Variants in MTUS2 observed in about 807,000 individuals in gnomAD.
MTUS2 encodes microtubule associated scaffold protein 2.
MTUS2 carries 40 observed loss-of-function variants against 114.1 expected under a neutral mutation model. The observed-to-expected ratio is 0.35, with a 90% CI of 0.27 to 0.46. MTUS2 has a LOEUF of 0.46. Ranked by LOEUF, MTUS2 falls within the 20% of genes least tolerant of loss-of-function variation. The pLI is 1.00. For missense variants in MTUS2, 1,679 were observed against 1,705.4 expected, an observed-to-expected ratio of 0.98 and a Z score of 0.27; for synonymous variants, 688 against 672.0, an observed-to-expected ratio of 1.02 and a Z score of -0.37.
chr13:29,382,067 C>T lies in MTUS2; in HGVS notation c.3117+22594C>T, dbSNP rs1038847374. Among the ~76,000 whole-genome samples, 4 of 152,204 alleles carry T rather than the reference C, an allele frequency of 2.6e-5. No homozygotes were observed. The East Asian group carries it at 5.8e-4, about 22-fold the overall frequency. On this transcript the variant is annotated intron_variant, in intron 8 of 15. Transcript: ENST00000612955. ...AGAGCTGGAGGTGTGTTGGAGGAAT[C>T]GATCAAGTCACCATGAACATAAATA...
chr13:29,227,783 C>G (rs1228611752), intron 5 of MTUS2, among the ~76,000 whole-genome samples: 2 of 152,168 alleles, frequency 1.3e-5, no homozygotes, highest in Non-Finnish European at 2.9e-5. Flanking sequence ...CATACTATTT[C>G]TATTATGCAA....
intron 2 of MTUS2, among the ~76,000 whole-genome samples, chr13:28,938,120 C>T (rs1882012422): frequency 6.6e-6 from 1 of 152,158 alleles, no homozygotes; most frequent in Non-Finnish European, 1.5e-5. Flanking sequence ...TGCGGTGGCT[C>T]ACGTCTGCAA....
chr13:29,322,444 G>A (rs557100893), intron 6 of MTUS2, among the ~76,000 whole-genome samples: 25 of 152,314 alleles, frequency 1.6e-4, no homozygotes, highest in African/African-American at 4.3e-4. Flanking sequence ...GCCCTGAAAT[G>A]CCTGGGCAGA....
chr13:29,165,422 C>T (rs1310785646), intron 5 of MTUS2, among the ~76,000 whole-genome samples: 1 of 152,182 alleles, frequency 6.6e-6, no homozygotes, highest in Non-Finnish European at 1.5e-5. Context: ...TAAGATCATT[C>T]TACAGTAACT....
intron 6 of MTUS2, among the ~76,000 whole-genome samples, chr13:29,295,692 T>A (rs1202548824): frequency 6.6e-6 from 1 of 152,182 alleles, no homozygotes; most frequent in Non-Finnish European, 1.5e-5. Flanking sequence ...TGCCCAAGAC[T>A]GGGTAATTTA....
intron 5 of MTUS2, among the ~76,000 whole-genome samples, chr13:29,254,538 T>A (rs1051188563): frequency 6.6e-6 from 1 of 152,248 alleles, no homozygotes; most frequent in Non-Finnish European, 1.5e-5. Flanking sequence ...GTGTTGCTGT[T>A]CTGGGAAAGC....
chr13:29,186,148 A>G (rs1894214384), intron 5 of MTUS2, among the ~76,000 whole-genome samples: 1 of 152,220 alleles, frequency 6.6e-6, no homozygotes, highest in Non-Finnish European at 1.5e-5. Context: ...AGGGAGATAA[A>G]GGCTGCAGTG....
intron 2 of MTUS2, among the ~76,000 whole-genome samples, chr13:28,963,530 C>G (rs1410551600): frequency 6.6e-6 from 1 of 152,152 alleles, no homozygotes; most frequent in Non-Finnish European, 1.5e-5. Context: ...TATGCACATG[C>G]ATGCCTATAT....
intron 5 of MTUS2, among the ~76,000 whole-genome samples, chr13:29,264,521 G>A (rs760803631): frequency 5.3e-5 from 8 of 152,356 alleles, no homozygotes; most frequent in Middle Eastern, 3.4e-3. Context: ...GAGGTTCTTC[G>A]TGAGGGCTCT....
At chr13:28,832,049 C>T (rs1318983715) in intron 1 of MTUS2, among the ~76,000 whole-genome samples, 1 of 152,074 alleles carries the variant, frequency 6.6e-6, no homozygotes, top group East Asian at 1.9e-4. Context: ...CAGGTGTGAG[C>T]CACTGTGCCT....
At chr13:29,226,223 G>C (rs541724942) in intron 5 of MTUS2, among the ~76,000 whole-genome samples, 78 of 152,244 alleles carry the variant, frequency 5.1e-4, no homozygotes, top group African/African-American at 1.8e-3. Flanking sequence ...AAAGATACAT[G>C]TTTAAAAGAT....
chr13:28,922,113 G>T (rs1166502539), intron 2 of MTUS2, among the ~76,000 whole-genome samples: 1 of 152,142 alleles, frequency 6.6e-6, no homozygotes, highest in Non-Finnish European at 1.5e-5. Context: ...CATGAGATCT[G>T]GTTGTTTAAA....
At chr13:29,245,229 G>A (rs1238721644) in intron 5 of MTUS2, among the ~76,000 whole-genome samples, 1 of 152,128 alleles carries the variant, frequency 6.6e-6, no homozygotes, top group East Asian at 1.9e-4. Context: ...TTACCAGAAG[G>A]TGGTAGATAA....
rs572929449 is a variant in MTUS2, at chr13:29,411,528, T to C, written c.3118-28455T>C. ...TCTAGACCCTCTGCATAAATGTTCC[T>C]TAATTTTTCTGGATATTCTTGCACG... On this transcript the variant is annotated intron_variant, in intron 8 of 15. Transcript: ENST00000612955. 9.8e-5 allele frequency among the ~76,000 whole-genome samples: 15 copies of C among 152,354 alleles called. No homozygotes were observed. In the South Asian group the frequency reaches 3.1e-3, roughly 32 times the overall value.
chr13:29,354,240 A>ATTTT (rs5802516), intron 7 of MTUS2, among the ~76,000 whole-genome samples: 5,981 of 120,224 alleles, frequency 0.05, 524 homozygotes, highest in African/African-American at 0.18. Flanking sequence ...TATTTTGGGC[A>ATTTT]TTTTTTTTTT....
chr13:29,222,811 C>T (rs560473486), intron 5 of MTUS2, among the ~76,000 whole-genome samples: 1 of 152,380 alleles, frequency 6.6e-6, no homozygotes, highest in Admixed American at 6.5e-5. Flanking sequence ...TGACCTCTCC[C>T]CTCTCCTGGC....
At chr13:29,051,490 A>G (rs947983353) in intron 4 of MTUS2, among the ~76,000 whole-genome samples, 1 of 152,140 alleles carries the variant, frequency 6.6e-6, no homozygotes, top group Non-Finnish European at 1.5e-5. Flanking sequence ...TCTGCGTCTC[A>G]CTAGATGCCA....
intron 1 of MTUS2, among the ~76,000 whole-genome samples, chr13:28,827,654 G>A (rs938946856): frequency 3.9e-5 from 6 of 152,058 alleles, no homozygotes; most frequent in Non-Finnish European, 7.4e-5. Context: ...AGTATTGGCC[G>A]GTCTGAGAAA....
chr13:29,394,680 T>C (rs7327583), intron 8 of MTUS2, among the ~76,000 whole-genome samples: 22,574 of 152,254 alleles, frequency 0.15, 2,236 homozygotes, highest in African/African-American at 0.28. Context: ...GTACCCATCC[T>C]GGTTCTGTGG....
Sources: allele counts gnomAD v4.1 joint callset (sites outside exome capture counted in the v4.1 genomes callset), GRCh38; gene constraint gnomAD v4.1.1; transcripts MANE v1.5; gene names NCBI Gene and HGNC (gene_info 2026-07-23, HGNC 2026-07-21).